HDLBP: variants seen among roughly 807,000 people sequenced by gnomAD.
HDLBP encodes the protein vigilin.
Under a neutral mutation model 137.3 loss-of-function variants are expected in HDLBP, and 30 were observed. That is an observed-to-expected ratio of 0.22 (90% CI 0.16 to 0.30). HDLBP has a LOEUF of 0.30. Ranked by LOEUF, HDLBP falls within the 10% of genes least tolerant of loss-of-function variation. The pLI is 1.00. For synonymous variants in HDLBP, 606 were observed against 596.0 expected, an observed-to-expected ratio of 1.02 and a Z score of -0.24; for missense variants, 1,119 against 1,667.3, an observed-to-expected ratio of 0.67 and a Z score of 5.73.
intron 12 of HDLBP, 135 bp from the exon 13 acceptor site, chr2:241,248,483 G>A (rs1487280273): frequency 1.6e-5 from 11 of 703,246 alleles, no homozygotes; most frequent in African/African-American, 3.5e-5. Flanking sequence ...GTGGCACCTC[G>A]TAGCACCCCG....
intron 1 of HDLBP, among the ~76,000 whole-genome samples, chr2:241,275,473 A>G (rs1575003757): frequency 6.7e-6 from 1 of 149,344 alleles, no homozygotes; most frequent in African/African-American, 2.4e-5. Context: ...TGGAGTTCCA[A>G]AACAAAAAGA....
intron 1 of HDLBP, among the ~76,000 whole-genome samples, chr2:241,311,277 G>A (rs1049330370): frequency 6.6e-6 from 1 of 152,196 alleles, no homozygotes; most frequent in Non-Finnish European, 1.5e-5. Flanking sequence ...CTTAGAGACC[G>A]CGGAGCAAAA....
Position 241,239,923 on chromosome 2 carries a change from A to G in HDLBP, c.2369T>C (p.Leu790Pro). The change falls in exon 18 of 28, where the codon CTG (leucine) becomes CCG (proline). Residue 790 changes from leucine to proline, a missense_variant. By Grantham distance (98) the Leu-to-Pro change is moderately conservative. This residue lies in a region of HDLBP where 618 missense variants were observed against 816.7 expected (regional missense o/e 0.76). Transcript: ENST00000310931. The surrounding 1 kb of genome is among the most constrained non-coding windows in gnomAD (Gnocchi z 4.6). ...EDAVREAQKE[L>P]EALIQNLDNV... is the part of the protein sequence containing the mutation. ...TACCAGGTTTTGGATCAAGGCCTCC[A>G]GCTCCTTCTGTGCCTCTCGGACGGC... The G allele has an allele frequency of 6.2e-7, 1 of 1,614,176 alleles. No homozygotes were observed. The highest frequency in any genetic ancestry group is 8.5e-7 in the Non-Finnish European group (1 of 1,180,028).
In HDLBP at chr2:241,240,254, A is replaced by T; in HGVS notation, c.2170-132T>A. 1.2e-6 allele frequency: 1 copy of T among 827,932 alleles called. No individual in the cohort carries two copies. Among genetic ancestry groups the T allele is most frequent in the Non-Finnish European group, 2.1e-6 (1 of 486,944 alleles). The allele number at this position is 827,932 out of a possible 1,614,324, so 51.3% of individuals were successfully genotyped here. On this transcript the variant is annotated intron_variant, in intron 17 of 27. Transcript: ENST00000310931. This position sits in a 1 kb window ranked among gnomAD's most constrained non-coding sequence, Gnocchi z 5.5. ...TCACCAGTGTCCTGATGTTGCACCA[A>T]TACCCCCAAAATGGGGCTAGCACAC...
Position 241,272,607 on chromosome 2 carries a change from CGCAGCCTGGGGCCCGGGTGGGGGCCGCG to C in HDLBP, c.-102-4094_-102-4067del, listed in dbSNP as rs1215019997. The C allele has an allele frequency of 3.1e-6, 3 of 982,272 alleles. No homozygotes were observed. The highest frequency in any genetic ancestry group is 3.6e-6 in the Non-Finnish European group (3 of 828,188). The allele number at this position is 982,272 out of a possible 1,614,324, so 60.8% of individuals were successfully genotyped here. A position where few individuals can be genotyped will look rare whatever the true frequency, so the allele number is the denominator to read the frequency against. On this transcript the variant is annotated intron_variant, in intron 1 of 27. Coordinates refer to ENST00000310931, the MANE Select transcript of HDLBP (RefSeq NM_005336.6). The surrounding 1 kb of genome is among the most constrained non-coding windows in gnomAD (Gnocchi z 5.6). ...AAGCAGGACACCCGCGGGCGGGGGC[CGCAGCCTGGGGCCCGGGTGGGGGCCGCG>C]GCACCCGGGCCCCTCCCCCTCCGCG...
intron 5 of HDLBP, among the ~76,000 whole-genome samples, chr2:241,257,429 C>T (rs908269455): frequency 6.6e-6 from 1 of 152,206 alleles, no homozygotes; most frequent in Admixed American, 6.5e-5. Context: ...GGCAGGGTTT[C>T]ACCATGTTGG....
chr2:241,271,862 G>A (rs189957907), intron 1 of HDLBP: 1 of 152,224 alleles, frequency 6.6e-6, no homozygotes, highest in Non-Finnish European at 1.5e-5. Context: ...CGAAATCTAG[G>A]AGAGACCACA....
At chr2:241,314,159 C>T (rs544264840) in intron 1 of HDLBP, among the ~76,000 whole-genome samples, 2 of 152,260 alleles carry the variant, frequency 1.3e-5, no homozygotes, top group South Asian at 4.1e-4. Context: ...TACCCAAACA[C>T]CTTTTCAACT....
chr2:241,256,569 C>T (rs1460601113), intron 6 of HDLBP, 31 bp downstream of exon 6: 10 of 1,606,488 alleles, frequency 6.2e-6, no homozygotes, highest in East Asian at 2.2e-5. Flanking sequence ...AGCAGGTAGG[C>T]AGGGGCACGA....
chr2:241,267,703 T>C (rs1034274698), intron 2 of HDLBP: 55 of 1,535,152 alleles, frequency 3.6e-5, no homozygotes, highest in Admixed American at 2.0e-5. Context: ...TGGTTATAAG[T>C]GGTAGCTGCG....
At chr2:241,235,777 G>A (rs1462324575) in intron 21 of HDLBP, 183 bp from the exon 22 acceptor site, 1 of 573,386 alleles carries the variant, frequency 1.7e-6, no homozygotes, top group Non-Finnish European at 3.1e-6. Context: ...ATTTGCATTA[G>A]GCTAATGCTG....
chr2:241,304,262 A>G (rs1037574057), intron 1 of HDLBP, among the ~76,000 whole-genome samples: 1 of 152,250 alleles, frequency 6.6e-6, no homozygotes, highest in African/African-American at 2.4e-5. Context: ...AGCATCACCA[A>G]TACATTAATA....
chr2:241,287,383 A>C (rs915574628), intron 1 of HDLBP, among the ~76,000 whole-genome samples: 50 of 150,710 alleles, frequency 3.3e-4, no homozygotes, highest in African/African-American at 1.2e-3. Flanking sequence ...CTGGAATTAC[A>C]GGCATAAGCC....
chr2:241,266,039 T>C (rs911247386), intron 3 of HDLBP, among the ~76,000 whole-genome samples: 3 of 152,220 alleles, frequency 2.0e-5, no homozygotes, highest in Non-Finnish European at 2.9e-5. Context: ...TGGAAAACTT[T>C]TAAGTGTGTT....
chr2:241,312,293 T>A (rs2075777745), intron 1 of HDLBP, among the ~76,000 whole-genome samples: 1 of 152,240 alleles, frequency 6.6e-6, no homozygotes, highest in Non-Finnish European at 1.5e-5. Context: ...AATGTCTAGC[T>A]CATCTTCAAC....
intron 1 of HDLBP, among the ~76,000 whole-genome samples, chr2:241,280,741 T>A (rs1440522850): frequency 6.6e-6 from 1 of 152,224 alleles, no homozygotes; most frequent in African/African-American, 2.4e-5. Flanking sequence ...GCTAGTTGTT[T>A]AAGCTCTCAA....
intron 1 of HDLBP, among the ~76,000 whole-genome samples, chr2:241,309,281 G>A (rs1175695787): frequency 6.6e-6 from 1 of 152,126 alleles, no homozygotes; most frequent in Non-Finnish European, 1.5e-5. Context: ...TGACCTCCGT[G>A]AAAGTGCAGG....
chr2:241,237,925 CTG>C (rs1206562667), intron 20 of HDLBP, among the ~76,000 whole-genome samples: 1 of 152,210 alleles, frequency 6.6e-6, no homozygotes, highest in African/African-American at 2.4e-5. Flanking sequence ...GCTTGAATGG[CTG>C]TGTGTGACAT....
chr2:241,295,572 T>A (rs1407320241), intron 1 of HDLBP, among the ~76,000 whole-genome samples: 2 of 152,054 alleles, frequency 1.3e-5, no homozygotes, highest in Non-Finnish European at 2.9e-5. Context: ...CTATTCCAAG[T>A]TCATCTACAC....
Sources: gnomAD v4.1 joint callset for allele counts (sites outside exome capture counted in the v4.1 genomes callset) on GRCh38, gnomAD v4.1.1 for gene constraint, gnomAD v4.1.1 regional missense constraint, Gnocchi (gnomAD v3.1) non-coding constraint, MANE v1.5 for transcripts, NCBI Gene and HGNC (gene_info 2026-07-23, HGNC 2026-07-21) for gene names.